The following GABRG1 variants were observed in gnomAD, a reference collection of about 807,000 sequenced individuals.
GABRG1 encodes gamma-aminobutyric acid type A receptor subunit gamma1, also known as gamma-aminobutyric acid receptor subunit gamma-1.
GABRG1 carries 49 observed loss-of-function variants against 49.8 expected under a neutral mutation model. The observed-to-expected ratio is 0.98, with a 90% CI of 0.78 to 1.25. The LOEUF is 1.25. Among genes scored for constraint, GABRG1 ranks in the 50% most tolerant of loss-of-function variants. The pLI is 0.00. For missense variants in GABRG1, 552 were observed against 552.3 expected (o/e 1.00, Z 0.01); for synonymous variants, 232 against 185.1 (o/e 1.25, Z -2.06).
intron 2 of GABRG1, among the ~76,000 whole-genome samples, chr4:46,096,957 C>A (rs576241969): frequency 6.6e-6 from 1 of 151,674 alleles, no homozygotes; most frequent in Admixed American, 6.6e-5. Context: ...GCAGTTTTAT[C>A]AAAACTCGGT....
intron 8 of GABRG1, among the ~76,000 whole-genome samples, chr4:46,048,114 A>G (rs1718072137): frequency 6.6e-6 from 1 of 152,004 alleles, no homozygotes; most frequent in African/African-American, 2.4e-5. Context: ...TCAATTGGCA[A>G]AGGCTAGTTT....
chr4:46,098,979 A>G (rs918255526), intron 1 of GABRG1, among the ~76,000 whole-genome samples: 1 of 151,680 alleles, frequency 6.6e-6, no homozygotes, highest in Non-Finnish European at 1.5e-5. Context: ...GCCATAAAAA[A>G]TTTTTATGAG....
chr4:46,084,298 T>C (rs1247413064), intron 2 of GABRG1, among the ~76,000 whole-genome samples: 2 of 151,724 alleles, frequency 1.3e-5, no homozygotes, highest in East Asian at 3.9e-4. Flanking sequence ...CCTTGTAGAC[T>C]GAAAGTTTCT....
At chr4:46,111,217 G>A (rs1720702750) in intron 1 of GABRG1, among the ~76,000 whole-genome samples, 1 of 150,750 alleles carries the variant, frequency 6.6e-6, no homozygotes, top group Non-Finnish European at 1.5e-5. Flanking sequence ...TTCAATCTAG[G>A]AGTCAAATCA....
chr4:46,121,519 C>T (rs551878328), intron 1 of GABRG1, among the ~76,000 whole-genome samples: 3 of 152,028 alleles, frequency 2.0e-5, no homozygotes, highest in East Asian at 3.9e-4. Flanking sequence ...AACTTGGTCT[C>T]ATAGAACCCA....
chr4:46,105,323 C>T (rs1216723025), intron 1 of GABRG1, among the ~76,000 whole-genome samples: 1 of 151,344 alleles, frequency 6.6e-6, no homozygotes, highest in Non-Finnish European at 1.5e-5. Flanking sequence ...ACCAAACTGG[C>T]TTAGAAAAGA....
intron 2 of GABRG1, among the ~76,000 whole-genome samples, chr4:46,089,423 TC>T (rs1240998531): frequency 6.6e-6 from 1 of 151,772 alleles, no homozygotes; most frequent in East Asian, 1.9e-4. Context: ...TCTTTATATC[TC>T]CCCCATGTCC....
intron 8 of GABRG1, among the ~76,000 whole-genome samples, chr4:46,043,606 C>G (rs372002339): frequency 3.3e-5 from 5 of 151,640 alleles, no homozygotes; most frequent in East Asian, 1.9e-4. Flanking sequence ...GCTATGCTAC[C>G]CATCTTTTAG....
intron 2 of GABRG1, among the ~76,000 whole-genome samples, chr4:46,093,695 C>A (rs1317926268): frequency 6.6e-6 from 1 of 151,798 alleles, no homozygotes; most frequent in African/African-American, 2.4e-5. Flanking sequence ...TATAAAAATA[C>A]CTCATGTACC....
chr4:46,067,652 C>T (rs1718968625), intron 3 of GABRG1, among the ~76,000 whole-genome samples: 1 of 152,060 alleles, frequency 6.6e-6, no homozygotes, highest in African/African-American at 2.4e-5. Context: ...ACAGATCAAA[C>T]TGTGCTGTGG....
chr4:46,049,042 A>AT (rs925766103), intron 8 of GABRG1, among the ~76,000 whole-genome samples: 35 of 151,746 alleles, frequency 2.3e-4, no homozygotes, highest in South Asian at 8.3e-4. Flanking sequence ...AGCCCTAAAC[A>AT]TTTTTTTTAA....
intron 7 of GABRG1, among the ~76,000 whole-genome samples, chr4:46,056,322 G>T (rs542410607): frequency 9.2e-5 from 14 of 151,822 alleles, no homozygotes; most frequent in African/African-American, 3.4e-4. Context: ...TCATTTTTCT[G>T]AACCCCAAAG....
rs374793545 is a variant in GABRG1, at chr4:46,058,914, A to C, written c.626-292T>G. 3.5e-4 allele frequency among the ~76,000 whole-genome samples: 54 copies of C among 152,222 alleles called. 1 individual carries two copies. The South Asian group carries it at 0.011, about 31-fold the overall frequency. On this transcript the variant is annotated intron_variant, in intron 5 of 8. Transcript: ENST00000295452. ...GTACTTCCTCCCCAATCTAGAGGTAATAACTATCCTAATTTCTGCGATGAT... is the reference window on the plus strand; with the variant it reads ...GTACTTCCTCCCCAATCTAGAGGTACTAACTATCCTAATTTCTGCGATGAT...
Position 46,058,388 on chromosome 4 carries a change from T to C in GABRG1, c.764-19A>G. 6.3e-7 allele frequency: 1 copy of C among 1,598,508 alleles called. No homozygotes were observed. The highest frequency in any genetic ancestry group is 1.1e-5 in the South Asian group (1 of 88,272). ...TAATCCCCTGTAAGAAAAAAAAGTT[T>C]TATTTTGGCTATATAATATAAATCA... On this transcript the variant is annotated intron_variant, in intron 6 of 8. Transcript: ENST00000295452.
chr4:46,038,493 A>C lies in GABRG1; in HGVS notation c.*2495T>G, dbSNP rs1416420640. ...TTAAAAACATTGAAAGCATCCAGGA[A>C]AATCAAGTTCCAATAAATTCAATAA... On this transcript the variant is annotated 3_prime_UTR_variant, in exon 9 of 9. Transcript: ENST00000295452. 3 of 151,636 alleles carry C rather than the reference A, an allele frequency of 2.0e-5. No homozygotes were observed. Among genetic ancestry groups the C allele is most frequent in the Non-Finnish European group, 4.4e-5 (3 of 67,672 alleles). 9.4% of individuals were successfully genotyped at this position (151,636 alleles called of 1,614,324 possible).
chr4:46,039,708 A>G lies in GABRG1; in HGVS notation c.*1280T>C, dbSNP rs1378665237. 1 of 151,816 alleles carries G rather than the reference A, an allele frequency of 6.6e-6. No homozygotes were observed. The allele number at this position is 151,816 out of a possible 1,614,324, so 9.4% of individuals were successfully genotyped here. A position where few individuals can be genotyped will look rare whatever the true frequency, so the allele number is the denominator to read the frequency against. ...GAAGCCTAAATTTATTCTTAACAAA[A>G]GAGACATTTTTAAAACTATTAACTG... is the stretch of plus-strand genomic sequence containing the variant. On this transcript the variant is annotated 3_prime_UTR_variant, in exon 9 of 9. Coordinates refer to ENST00000295452, the MANE Select transcript of GABRG1 (RefSeq NM_173536.4).
intron 7 of GABRG1, among the ~76,000 whole-genome samples, chr4:46,056,134 A>AT (rs1553879429): frequency 3.3e-4 from 9 of 27,410 alleles, no homozygotes; most frequent in South Asian, 1.4e-3. Context: ...GAAAAAAAAA[A>AT]AAATAAATAA....
intron 3 of GABRG1, among the ~76,000 whole-genome samples, chr4:46,083,066 C>A (rs923935906): frequency 2.0e-5 from 3 of 151,722 alleles, no homozygotes; most frequent in African/African-American, 7.2e-5. Flanking sequence ...GCACCATGAG[C>A]ATTTGGGGTA....
intron 3 of GABRG1, among the ~76,000 whole-genome samples, chr4:46,071,996 C>T (rs1719143391): frequency 1.3e-5 from 2 of 152,088 alleles, no homozygotes; most frequent in African/African-American, 2.4e-5. Context: ...CACTCACTCA[C>T]TGACTCACCC....
Sources: gnomAD v4.1 joint callset for allele counts (sites outside exome capture counted in the v4.1 genomes callset) on GRCh38, gnomAD v4.1.1 for gene constraint, MANE v1.5 for transcripts, NCBI Gene and HGNC (gene_info 2026-07-23, HGNC 2026-07-21) for gene names.